The following PTPRD variants were observed in gnomAD, a reference collection of about 807,000 sequenced individuals.
PTPRD encodes the protein protein tyrosine phosphatase receptor type D.
Under a neutral mutation model 214.5 loss-of-function variants are expected in PTPRD, and 34 were observed. The observed-to-expected ratio is 0.16, with a 90% CI of 0.12 to 0.21. The LOEUF is 0.21. Among genes scored for constraint, PTPRD ranks in the 10% least tolerant of loss-of-function variants. The pLI is 1.00. For missense variants in PTPRD, 2,545 were observed against 2,398.7 expected, an observed-to-expected ratio of 1.06 and a Z score of -1.27; for synonymous variants, 1,128 against 845.7, an observed-to-expected ratio of 1.33 and a Z score of -5.79.
intron 9 of PTPRD, among the ~76,000 whole-genome samples, chr9:9,216,683 A>G (rs757716904): frequency 1.7e-4 from 26 of 152,150 alleles, no homozygotes; most frequent in Non-Finnish European, 3.5e-4. Flanking sequence ...CAAGCTTGGT[A>G]TCATTCCTCT....
intron 4 of PTPRD, among the ~76,000 whole-genome samples, chr9:9,986,903 T>C (rs201293309): frequency 8.1e-6 from 1 of 123,784 alleles, no homozygotes; most frequent in Non-Finnish European, 1.8e-5. Context: ...ATATTTTTTT[T>C]TTACTGTAAT....
At chr9:9,543,042 A>G (rs1479834911) in intron 8 of PTPRD, among the ~76,000 whole-genome samples, 4 of 151,712 alleles carry the variant, frequency 2.6e-5, no homozygotes, top group African/African-American at 9.7e-5. Flanking sequence ...AATCATACCA[A>G]TTGAAAACAA....
intron 4 of PTPRD, among the ~76,000 whole-genome samples, chr9:10,009,549 G>C (rs2096555350): frequency 6.6e-6 from 1 of 151,892 alleles, no homozygotes; most frequent in South Asian, 2.1e-4. Context: ...AGGAGTTGTG[G>C]AGACCAAGGT....
intron 9 of PTPRD, among the ~76,000 whole-genome samples, chr9:9,305,961 G>A (rs1956997541): frequency 6.6e-6 from 1 of 152,028 alleles, no homozygotes; most frequent in Admixed American, 6.6e-5. Context: ...TTCAGAATGT[G>A]AAATAATAAA....
At chr9:9,148,130 A>T (rs549371248) in intron 10 of PTPRD, among the ~76,000 whole-genome samples, 2 of 152,342 alleles carry the variant, frequency 1.3e-5, no homozygotes, top group South Asian at 4.1e-4. Flanking sequence ...GAAGAAAATT[A>T]CGAGCACTGG....
chr9:8,619,919 G>GA (rs2095758313), intron 14 of PTPRD, among the ~76,000 whole-genome samples: 1 of 152,014 alleles, frequency 6.6e-6, no homozygotes, highest in African/African-American at 2.4e-5. Flanking sequence ...TTTAGAGTCA[G>GA]AAAATCTGGT....
intron 8 of PTPRD, among the ~76,000 whole-genome samples, chr9:9,427,518 A>G (rs1029964246): frequency 6.9e-6 from 1 of 144,092 alleles, no homozygotes; most frequent in Middle Eastern, 3.6e-3. Flanking sequence ...AACTTACCCA[A>G]CCTAGCAAGG....
At chr9:8,472,038 C>T (rs10977138) in intron 30 of PTPRD, among the ~76,000 whole-genome samples, 7,093 of 152,182 alleles carry the variant, frequency 0.047, 521 homozygotes, top group African/African-American at 0.16. Context: ...GAGAAATTCT[C>T]TGAGCAAAGC....
chr9:8,382,666 C>T (rs2085494434), intron 37 of PTPRD, among the ~76,000 whole-genome samples: 1 of 152,068 alleles, frequency 6.6e-6, no homozygotes, highest in South Asian at 2.1e-4. Context: ...ATAAGGACCC[C>T]AACATCCTTT....
chr9:9,779,224 A>C (rs1011553398), intron 5 of PTPRD, among the ~76,000 whole-genome samples: 3 of 152,052 alleles, frequency 2.0e-5, no homozygotes, highest in African/African-American at 7.2e-5. Context: ...TTAATGATTT[A>C]AATGTAAGAC....
intron 9 of PTPRD, among the ~76,000 whole-genome samples, chr9:9,319,156 G>A (rs961300257): frequency 5.3e-5 from 8 of 152,150 alleles, no homozygotes; most frequent in South Asian, 2.1e-4. Context: ...GCAGTGGCAC[G>A]GGGTGAATGA....
intron 2 of PTPRD, among the ~76,000 whole-genome samples, chr9:10,518,557 G>T (rs1203190115): frequency 1.3e-5 from 2 of 151,172 alleles, no homozygotes; most frequent in Non-Finnish European, 2.9e-5. Context: ...TTTTGAGACG[G>T]AGTCTCGCAC....
intron 11 of PTPRD, among the ~76,000 whole-genome samples, chr9:8,933,161 C>T (rs2098964920): frequency 6.6e-6 from 1 of 151,922 alleles, no homozygotes; most frequent in African/African-American, 2.4e-5. Flanking sequence ...TGAGGTGACG[C>T]CCCACCCTGC....
intron 21 of PTPRD, 151 bp from the exon 22 acceptor site, chr9:8,507,585 C>T (rs2097567749): frequency 1.1e-6 from 1 of 876,406 alleles, no homozygotes. Context: ...CCAAGTTAAC[C>T]TCTTTGTGTA....
intron 14 of PTPRD, among the ~76,000 whole-genome samples, chr9:8,551,082 G>C (rs2081972634): frequency 6.6e-6 from 1 of 152,086 alleles, no homozygotes; most frequent in Non-Finnish European, 1.5e-5. Context: ...CTATCACTTG[G>C]GGGTGGTTTT....
intron 11 of PTPRD, among the ~76,000 whole-genome samples, chr9:8,811,515 C>A (rs2096802764): frequency 6.6e-6 from 1 of 152,148 alleles, no homozygotes; most frequent in African/African-American, 2.4e-5. Context: ...ATAACCATAA[C>A]CCAAGCCCAA....
chr9:8,949,583 A>C (rs2099090768), intron 11 of PTPRD, among the ~76,000 whole-genome samples: 1 of 152,116 alleles, frequency 6.6e-6, no homozygotes, highest in African/African-American at 2.4e-5. Flanking sequence ...ACGTTTTGCT[A>C]ATGTGATGTT....
At chr9:9,164,846 C>G (rs1486458147) in intron 10 of PTPRD, among the ~76,000 whole-genome samples, 1 of 118,280 alleles carries the variant, frequency 8.5e-6, no homozygotes, top group African/African-American at 3.2e-5. Flanking sequence ...AATCCTGTCT[C>G]TACTAAAACA....
chr9:9,700,727 T>C (rs1442328938), intron 7 of PTPRD, among the ~76,000 whole-genome samples: 1 of 151,964 alleles, frequency 6.6e-6, no homozygotes, highest in East Asian at 1.9e-4. Flanking sequence ...ATTATCATTA[T>C]TATAAAATGG....
Sources: allele counts gnomAD v4.1 joint callset (sites outside exome capture counted in the v4.1 genomes callset), GRCh38; gene constraint gnomAD v4.1.1; transcripts MANE v1.5; gene names NCBI Gene and HGNC (gene_info 2026-07-23, HGNC 2026-07-21).